The following APMAP variants were observed in gnomAD, a reference collection of about 807,000 sequenced individuals.
The protein encoded by APMAP is adipocyte plasma membrane associated protein.
Under a neutral mutation model 43.6 loss-of-function variants are expected in APMAP, and 33 were observed. That is an observed-to-expected ratio of 0.76 (90% CI 0.57 to 1.01). APMAP has a LOEUF of 1.01. Among genes scored for constraint, APMAP ranks in the 50% least tolerant of loss-of-function variants. APMAP has a pLI of 0.00. For missense variants in APMAP, 498 were observed against 540.7 expected, an observed-to-expected ratio of 0.92 and a Z score of 0.78; for synonymous variants, 224 against 216.7, an observed-to-expected ratio of 1.03 and a Z score of -0.30.
At chr20:24,986,582 C>T (rs144905233) in intron 1 of APMAP, among the ~76,000 whole-genome samples, 326 of 152,298 alleles carry the variant, frequency 2.1e-3, no homozygotes, top group East Asian at 0.012. Context: ...CCTGACATGA[C>T]GGCAGGCTCA....
intron 8 of APMAP, among the ~76,000 whole-genome samples, chr20:24,967,721 C>G (rs952151226): frequency 6.6e-6 from 1 of 152,210 alleles, no homozygotes; most frequent in Non-Finnish European, 1.5e-5. Context: ...CCTGAGGCAG[C>G]GAGTCCAAGT....
chr20:24,970,317 G>A lies in APMAP; in HGVS notation c.593C>T (p.Ser198Phe), dbSNP rs1376907222. ...AGTGACTGTAAGATCATTCACAAAG[G>A]ACATGTTCTTCCCCTCAATGGGTGT... is the stretch of plus-strand genomic sequence containing the variant. Reference protein sequence around the residue: ...SETPIEGKNMSFVNDLTVTQD... With the variant: ...SETPIEGKNMFFVNDLTVTQD... The change falls in exon 6 of 9, where the codon TCC becomes TTC. Residue 198 changes from serine to phenylalanine, a missense_variant. Physicochemically the swap from Ser to Phe is radical, Grantham distance 155. Transcript: ENST00000217456. 4 of 1,613,722 alleles carry A rather than the reference G, an allele frequency of 2.5e-6. No homozygotes were observed. The African/African-American group carries it at 4.0e-5, about 16-fold the overall frequency.
At chr20:24,989,304 C>A (rs2088172936) in intron 1 of APMAP, among the ~76,000 whole-genome samples, 1 of 152,096 alleles carries the variant, frequency 6.6e-6, no homozygotes, top group South Asian at 2.1e-4. Flanking sequence ...ATGAGGACAT[C>A]TGCACCCTGA....
chr20:24,982,387 C>T (rs1171983721), intron 2 of APMAP, among the ~76,000 whole-genome samples: 1 of 152,086 alleles, frequency 6.6e-6, no homozygotes, highest in Non-Finnish European at 1.5e-5. Context: ...TTGGCTGCAG[C>T]GGTTCCACTG....
chr20:24,963,928 T>G lies in APMAP; in HGVS notation c.1136A>C (p.Asp379Ala), dbSNP rs1665570223. ...GTAGGTGGCCACCAGCCCATCGGGA[T>G]CATGCAGGCTTCTCCGGAAGGCACC... is the stretch of plus-strand genomic sequence containing the variant. ...DSGAFRRSLH[D>A]PDGLVATYIS... is the part of the protein sequence containing the mutation. The change falls in exon 9 of 9, where the codon GAT (aspartate) becomes GCT (alanine). Residue 379 changes from aspartate to alanine, a missense_variant. Coordinates refer to ENST00000217456, the MANE Select transcript of APMAP (RefSeq NM_020531.3). 8.1e-6 allele frequency: 13 copies of G among 1,614,098 alleles called. No individual in the cohort carries two copies. In the East Asian group the frequency reaches 2.9e-4, roughly 36 times the overall value.
At chr20:24,969,105 G>T in intron 7 of APMAP, 21 bp from the exon 8 acceptor site, 1 of 1,565,236 alleles carries the variant, frequency 6.4e-7, no homozygotes, top group East Asian at 2.3e-5. Context: ...CACCCAAGCA[G>T]AGAGTGAACC....
rs768776490 is a variant in APMAP at position 24,969,083 on chromosome 20, C to T, written c.850G>A (p.Val284Ile). 1 of 1,579,364 alleles carries T rather than the reference C, an allele frequency of 6.3e-7. No individual in the cohort carries two copies. Residue 284 changes from valine (V) to isoleucine (I), a missense_variant and splice_region_variant, in exon 8 of 9, where the codon GTC becomes ATC. Val to Ile is a conservative substitution (Grantham distance 29). Coordinates refer to ENST00000217456, the MANE Select transcript of APMAP (RefSeq NM_020531.3). ...AETTMARIRR[V>I]YVSGLMKGGA... is the part of the protein sequence containing the mutation. ...CCCTTCATCAGGCCAGAAACGTAGA[C>T]TCTGAAAAATTCACCCAAGCAGAGA...
chr20:24,978,999 G>A, intron 2 of APMAP, 117 bp from the exon 3 acceptor site: 1 of 750,874 alleles, frequency 1.3e-6, no homozygotes, highest in South Asian at 1.6e-5. Context: ...AACATCCTCA[G>A]TTGCCAGAAA....
At chr20:24,976,657 T>C (rs1012890810) in intron 3 of APMAP, among the ~76,000 whole-genome samples, 5 of 152,172 alleles carry the variant, frequency 3.3e-5, no homozygotes, top group African/African-American at 9.7e-5. Context: ...ACTCTTACCA[T>C]ACAATCCAGC....
In APMAP at chr20:24,978,750, C is replaced by A. The variant is rs56312312; in HGVS notation, c.328+17G>T. 224,086 of 1,386,924 alleles carry A rather than the reference C, an allele frequency of 0.16. 21,924 individuals carry two copies. Among genetic ancestry groups the A allele is most frequent in the Middle Eastern group, 0.24 (1,077 of 4,448 alleles). 85.9% of individuals were successfully genotyped at this position (1,386,924 alleles called of 1,614,324 possible). A position where few individuals can be genotyped will look rare whatever the true frequency, so the allele number is the denominator to read the frequency against. ...GACAGCCTGGAAGGCTCCCCCCCCA[C>A]CCAAGCTTAGACTTACCCCCAATAT... On this transcript the variant is annotated intron_variant, in intron 3 of 8. Coordinates refer to ENST00000217456, the MANE Select transcript of APMAP (RefSeq NM_020531.3).
chr20:24,984,230 A>C (rs2088129406), intron 1 of APMAP, among the ~76,000 whole-genome samples: 1 of 152,146 alleles, frequency 6.6e-6, no homozygotes, highest in Non-Finnish European at 1.5e-5. Flanking sequence ...TTAATCTTCC[A>C]GCTTCCCCTG....
At position 24,963,566 on chromosome 20, in the gene APMAP, T is replaced by G; in HGVS notation, c.*247A>C. The G allele has an allele frequency of 1.9e-6, 1 of 533,122 alleles. No homozygotes were observed. Among genetic ancestry groups the G allele is most frequent in the Non-Finnish European group, 3.4e-6 (1 of 297,618 alleles). The allele number at this position is 533,122 out of a possible 1,614,324, so 33.0% of individuals were successfully genotyped here. A position where few individuals can be genotyped will look rare whatever the true frequency, so the allele number is the denominator to read the frequency against. ...AAGTTTTGTTTTGTTTAAGAGAAAA[T>G]GGCTTTACATGAATTTATGTTCCTC... On this transcript the variant is annotated 3_prime_UTR_variant, in exon 9 of 9. Transcript: ENST00000217456.
At chr20:24,992,369 C>T (rs8184053) in intron 1 of APMAP, among the ~76,000 whole-genome samples, 28,307 of 152,166 alleles carry the variant, frequency 0.19, 3,526 homozygotes, top group East Asian at 0.57. Context: ...GGCGACTGGG[C>T]GCAGGGTGCA....
At position 24,964,029 on chromosome 20, in the gene APMAP, G is replaced by A. The variant is rs2087921636; in HGVS notation, c.1042-7C>T. 3 of 1,613,912 alleles carry A rather than the reference G, an allele frequency of 1.9e-6. No individual in the cohort carries two copies. The African/African-American group carries it at 4.0e-5, about 22-fold the overall frequency. ...CCGTCTCTTGACTAAAGAGCTAGAG[G>A]GAAGCACAGTGCAGGGAAAGTTCAC... On this transcript the variant is annotated splice_polypyrimidine_tract_variant and splice_region_variant and intron_variant, in intron 8 of 8. Coordinates refer to ENST00000217456, the MANE Select transcript of APMAP (RefSeq NM_020531.3).
intron 3 of APMAP, among the ~76,000 whole-genome samples, chr20:24,978,326 TCAAA>T (rs1209271829): frequency 3.3e-5 from 5 of 152,202 alleles, no homozygotes; most frequent in Non-Finnish European, 5.9e-5. Context: ...AGGTGAGATT[TCAAA>T]CAGTCAGACA....
chr20:24,992,481 G>T (rs1370582343), intron 1 of APMAP, 113 bp downstream of exon 1: 4 of 845,068 alleles, frequency 4.7e-6, no homozygotes, highest in Non-Finnish European at 6.5e-6. Context: ...CTCTGACAAC[G>T]CGCTCGGCAC....
Position 24,969,717 on chromosome 20 carries a change from G to A in APMAP, c.714-57C>T. On this transcript the variant is annotated intron_variant, in intron 6 of 8. Coordinates refer to ENST00000217456, the MANE Select transcript of APMAP (RefSeq NM_020531.3). ...GGAGAATCCCTGGCTCCCACTCTGG[G>A]CCTTCAGGGTATGGGCCTGAAGAAG... The A allele has an allele frequency of 7.7e-6, 12 of 1,566,856 alleles. No homozygotes were observed. In the South Asian group the frequency reaches 1.4e-4, roughly 18 times the overall value.
At chr20:24,973,586 G>A (rs1156625779) in intron 4 of APMAP, 59 bp downstream of exon 4, 15 of 1,519,912 alleles carry the variant, frequency 9.9e-6, no homozygotes, top group South Asian at 9.2e-5. Flanking sequence ...TCCACACAAC[G>A]ATCCAACATC....
chr20:24,973,753 A>C lies in APMAP; in HGVS notation c.329-16T>G. On this transcript the variant is annotated splice_polypyrimidine_tract_variant and intron_variant, in intron 3 of 8. Coordinates refer to ENST00000217456, the MANE Select transcript of APMAP (RefSeq NM_020531.3). ...AACATCACATCTGTTTAAAAACACA[A>C]AAAGGAGGAAGAGCAATGTTAGCCT... 2 of 1,610,722 alleles carry C rather than the reference A, an allele frequency of 1.2e-6. No homozygotes were observed. The highest frequency in any genetic ancestry group is 8.5e-7 in the Non-Finnish European group (1 of 1,177,048).
Sources: gnomAD v4.1 joint callset for allele counts (sites outside exome capture counted in the v4.1 genomes callset) on GRCh38, gnomAD v4.1.1 for gene constraint, MANE v1.5 for transcripts, NCBI Gene and HGNC (gene_info 2026-07-23, HGNC 2026-07-21) for gene names.